The following NFIB variants were observed in gnomAD, a reference collection of about 807,000 sequenced individuals.
The protein encoded by NFIB is nuclear factor 1 B-type.
Under a neutral mutation model 61.5 loss-of-function variants are expected in NFIB, and 11 were observed. The observed-to-expected ratio is 0.18, with a 90% CI of 0.11 to 0.30. The LOEUF is 0.30. Ranked by LOEUF, NFIB falls within the 10% of genes least tolerant of loss-of-function variation. The probability of loss-of-function intolerance (pLI) is 1.00; values close to 1 mark genes in which losing one functional copy is unlikely to be tolerated. For synonymous variants in NFIB, 260 were observed against 216.5 expected, an observed-to-expected ratio of 1.20 and a Z score of -1.76; for missense variants, 471 against 608.9, an observed-to-expected ratio of 0.77 and a Z score of 2.38.
rs1481491757 is a variant in NFIB, at chr9:14,291,197, T to C, written c.562+15792A>G. On this transcript the variant is annotated intron_variant, in intron 2 of 10. Coordinates refer to ENST00000380953, the MANE Select transcript of NFIB (RefSeq NM_001190737.2). ...ACAACTCTTTCATTTTATAAAAGAA[T>C]TCTTGGCCAGGCAAGGTGGCTCACG... Among the ~76,000 whole-genome samples, 3 of 152,072 alleles carry C rather than the reference T, an allele frequency of 2.0e-5. No homozygotes were observed. The East Asian group carries it at 5.8e-4, about 29-fold the overall frequency.
intron 2 of NFIB, among the ~76,000 whole-genome samples, chr9:14,186,957 G>C (rs1306606804): frequency 6.6e-6 from 1 of 151,478 alleles, no homozygotes; most frequent in Non-Finnish European, 1.5e-5. Flanking sequence ...GCATGTAAAT[G>C]TTTGGGAAAT....
intron 10 of NFIB, among the ~76,000 whole-genome samples, chr9:14,108,784 T>A (rs1362308080): frequency 6.6e-6 from 1 of 152,106 alleles, no homozygotes; most frequent in Non-Finnish European, 1.5e-5. Flanking sequence ...TTTACTTGAC[T>A]TTATTGTCTC....
At chr9:14,358,350 A>C (rs2061200747) in intron 1 of NFIB, among the ~76,000 whole-genome samples, 1 of 152,128 alleles carries the variant, frequency 6.6e-6, no homozygotes, top group South Asian at 2.1e-4. Context: ...TTCTGAGCAC[A>C]ATCACTTTGG....
intron 2 of NFIB, among the ~76,000 whole-genome samples, chr9:14,300,675 T>G (rs1417684437): frequency 6.6e-6 from 1 of 152,372 alleles, no homozygotes; most frequent in East Asian, 1.9e-4. Context: ...TAAGCCACCA[T>G]GATAACAGAA....
chr9:14,195,478 G>C (rs560675369), intron 2 of NFIB, among the ~76,000 whole-genome samples: 1 of 152,272 alleles, frequency 6.6e-6, no homozygotes, highest in East Asian at 1.9e-4. Context: ...TAATCTCAAA[G>C]AAAATGATAA....
At chr9:14,187,623 T>C (rs891468614) in intron 2 of NFIB, among the ~76,000 whole-genome samples, 2 of 152,194 alleles carry the variant, frequency 1.3e-5, no homozygotes, top group Non-Finnish European at 1.5e-5. Context: ...CATTAAGCTT[T>C]CTTTTAAAGA....
intron 2 of NFIB, among the ~76,000 whole-genome samples, chr9:14,220,002 G>T (rs915065996): frequency 6.6e-6 from 1 of 152,112 alleles, no homozygotes; most frequent in South Asian, 2.1e-4. Context: ...CCAGTCTTGG[G>T]AGCGCATCAA....
At chr9:14,383,430 C>G (rs1221459862) in intron 1 of NFIB, among the ~76,000 whole-genome samples, 1 of 152,082 alleles carries the variant, frequency 6.6e-6, no homozygotes, top group Non-Finnish European at 1.5e-5. Flanking sequence ...GCTGTTACAC[C>G]AGGAGGAGAG....
chr9:14,262,275 C>G (rs1488298141), intron 2 of NFIB, among the ~76,000 whole-genome samples: 1 of 152,196 alleles, frequency 6.6e-6, no homozygotes, highest in Non-Finnish European at 1.5e-5. Flanking sequence ...TTACTTTCTT[C>G]CTGCTGGATC....
At chr9:14,363,116 C>T (rs939104152) in intron 1 of NFIB, among the ~76,000 whole-genome samples, 2 of 152,140 alleles carry the variant, frequency 1.3e-5, no homozygotes, top group African/African-American at 4.8e-5. Flanking sequence ...GAAATTGCAT[C>T]AAACTGAGCT....
intron 2 of NFIB, among the ~76,000 whole-genome samples, chr9:14,261,039 G>A (rs543374672): frequency 1.1e-4 from 17 of 152,306 alleles, no homozygotes; most frequent in East Asian, 3.9e-4. Flanking sequence ...AAAAGGGGCC[G>A]GGCACAGTGG....
chr9:14,489,456 T>C, the NFIB span, among the ~76,000 whole-genome samples: 1 of 152,222 alleles, frequency 6.6e-6, no homozygotes, highest in Non-Finnish European at 1.5e-5. Flanking sequence ...TCCTTGAATG[T>C]GGAGACCACA....
intron 1 of NFIB, among the ~76,000 whole-genome samples, chr9:14,359,802 C>G (rs1317616320): frequency 6.6e-6 from 1 of 151,910 alleles, no homozygotes; most frequent in Non-Finnish European, 1.5e-5. Flanking sequence ...ACTAGATATA[C>G]CTATGAATGA....
At chr9:14,505,276 T>C in the NFIB span, among the ~76,000 whole-genome samples, 22 of 152,222 alleles carry the variant, frequency 1.4e-4, no homozygotes, top group African/African-American at 5.3e-4. Flanking sequence ...TTGAGGATTT[T>C]TGCATGTATG....
intron 1 of NFIB, among the ~76,000 whole-genome samples, chr9:14,324,370 T>A (rs2060727459): frequency 6.6e-6 from 1 of 152,148 alleles, no homozygotes; most frequent in Non-Finnish European, 1.5e-5. Context: ...AACAGAAGAA[T>A]GATGGATATA....
chr9:14,302,070 C>T (rs2059781098), intron 2 of NFIB, among the ~76,000 whole-genome samples: 1 of 152,324 alleles, frequency 6.6e-6, no homozygotes, highest in African/African-American at 2.4e-5. Context: ...TTTCACAGTG[C>T]AGACACACCA....
the NFIB span, among the ~76,000 whole-genome samples, chr9:14,473,285 G>T: frequency 1.4e-3 from 208 of 152,282 alleles, no homozygotes; most frequent in African/African-American, 4.6e-3. Context: ...TACAATTTTT[G>T]ACCTGGGGTA....
At chr9:14,231,135 A>ATATATATATATATATATATAT (rs1554681461) in intron 2 of NFIB, among the ~76,000 whole-genome samples, 1 of 35,344 alleles carries the variant, frequency 2.8e-5, no homozygotes, top group Non-Finnish European at 5.4e-5. Flanking sequence ...AAAAAAAAAA[A>ATATATATATATATATATATAT]ATATATATAT....
chr9:14,106,149 A>G (rs878958870), intron 10 of NFIB, among the ~76,000 whole-genome samples: 1 of 152,126 alleles, frequency 6.6e-6, no homozygotes, highest in Non-Finnish European at 1.5e-5. Flanking sequence ...CAAATTTAAA[A>G]TACCAAGTGC....
Sources: allele counts gnomAD v4.1 joint callset (sites outside exome capture counted in the v4.1 genomes callset), GRCh38; gene constraint gnomAD v4.1.1; transcripts MANE v1.5; gene names NCBI Gene and HGNC (gene_info 2026-07-23, HGNC 2026-07-21).